The following DOK6 variants were observed in gnomAD, a reference collection of about 807,000 sequenced individuals.
The protein encoded by DOK6 is downstream of tyrosine kinase 6.
DOK6 carries 22 observed loss-of-function variants against 44.0 expected under a neutral mutation model. The ratio of observed to expected loss-of-function variants is 0.50; its 90% CI spans 0.36 to 0.71. DOK6 has a LOEUF of 0.71. Ranked by LOEUF, DOK6 falls within the 30% of genes least tolerant of loss-of-function variation. The pLI is 0.00. For synonymous variants in DOK6, 166 were observed against 145.5 expected, an observed-to-expected ratio of 1.14 and a Z score of -1.01; for missense variants, 340 against 416.4, an observed-to-expected ratio of 0.82 and a Z score of 1.60.
intron 3 of DOK6, among the ~76,000 whole-genome samples, chr18:69,638,673 C>A (rs534306402): frequency 1.3e-5 from 2 of 152,230 alleles, no homozygotes; most frequent in East Asian, 3.9e-4. Context: ...GTTTATGGTA[C>A]TGCTTCTTAT....
At chr18:69,683,007 G>A (rs1986076178) in intron 4 of DOK6, among the ~76,000 whole-genome samples, 4 of 152,116 alleles carry the variant, frequency 2.6e-5, no homozygotes, top group Admixed American at 6.6e-5. Flanking sequence ...GTAACAATAG[G>A]CCTCTCTCTG....
At chr18:69,791,084 T>C (rs1021824081) in intron 7 of DOK6, among the ~76,000 whole-genome samples, 1 of 152,164 alleles carries the variant, frequency 6.6e-6, no homozygotes, top group African/African-American at 2.4e-5. Context: ...TCAAATTCTA[T>C]CCATGTTGTT....
intron 5 of DOK6, among the ~76,000 whole-genome samples, chr18:69,709,534 A>T (rs1446909363): frequency 6.6e-6 from 1 of 152,146 alleles, no homozygotes; most frequent in African/African-American, 2.4e-5. Flanking sequence ...TTGTATTTAC[A>T]AGATTTTTTT....
intron 7 of DOK6, among the ~76,000 whole-genome samples, chr18:69,761,896 A>G (rs538413407): frequency 1.3e-5 from 2 of 152,304 alleles, no homozygotes; most frequent in South Asian, 4.1e-4. Context: ...ATGGGTCCAC[A>G]GCAACCTCAG....
intron 1 of DOK6, 150 bp downstream of exon 1, chr18:69,401,460 G>A (rs1353752511): frequency 1.0e-5 from 10 of 974,624 alleles, no homozygotes; most frequent in Non-Finnish European, 1.4e-5. Flanking sequence ...GCTTGGCCAG[G>A]TGGGGGCCCA....
At chr18:69,661,799 T>C (rs181204920) in intron 3 of DOK6, 9 of 152,330 alleles carry the variant, frequency 5.9e-5, no homozygotes, top group Admixed American at 4.6e-4. Context: ...AGTAGAAAGC[T>C]TACATAATAT....
intron 3 of DOK6, among the ~76,000 whole-genome samples, chr18:69,627,946 C>A (rs1419374801): frequency 6.6e-6 from 1 of 152,158 alleles, no homozygotes; most frequent in Non-Finnish European, 1.5e-5. Flanking sequence ...GATGTCACTT[C>A]ATAAAACTGC....
At chr18:69,431,512 A>T (rs1236253716) in intron 1 of DOK6, among the ~76,000 whole-genome samples, 2 of 152,174 alleles carry the variant, frequency 1.3e-5, no homozygotes, top group African/African-American at 4.8e-5. Flanking sequence ...ATAAAAGATG[A>T]TCCTTATGCT....
At chr18:69,735,824 C>A (rs1294743637) in intron 5 of DOK6, among the ~76,000 whole-genome samples, 1 of 152,154 alleles carries the variant, frequency 6.6e-6, no homozygotes, top group Middle Eastern at 3.2e-3. Flanking sequence ...AAATCAAATC[C>A]CAGAAGCCAG....
At chr18:69,718,244 T>A (rs564087008) in intron 5 of DOK6, among the ~76,000 whole-genome samples, 2 of 152,232 alleles carry the variant, frequency 1.3e-5, no homozygotes, top group South Asian at 4.1e-4. Context: ...GGAAGACCCA[T>A]TCAGGAACCT....
intron 1 of DOK6, among the ~76,000 whole-genome samples, chr18:69,463,568 T>C (rs1228443295): frequency 6.6e-6 from 1 of 152,168 alleles, no homozygotes; most frequent in African/African-American, 2.4e-5. Flanking sequence ...CATTTCTGAG[T>C]AAGATACTTG....
At position 69,609,121 on chromosome 18, in the gene DOK6, G is replaced by C. The variant is rs532535301; in HGVS notation, c.289+9623G>C. Among the ~76,000 whole-genome samples, 5 of 152,190 alleles carry C rather than the reference G, an allele frequency of 3.3e-5. No individual in the cohort carries two copies. In the South Asian group the frequency reaches 1.0e-3, roughly 32 times the overall value. ...AATGATTTCATGGCTACAACAGAAA[G>C]CTCAGATAACAAAAGCAAAACTTGG... On this transcript the variant is annotated intron_variant, in intron 3 of 7. Transcript: ENST00000382713.
intron 3 of DOK6, among the ~76,000 whole-genome samples, chr18:69,666,948 C>T (rs536787159): frequency 6.6e-6 from 1 of 152,280 alleles, no homozygotes; most frequent in African/African-American, 2.4e-5. Context: ...GCAGGCTCCA[C>T]CTCTGTCAGT....
intron 7 of DOK6, among the ~76,000 whole-genome samples, chr18:69,769,297 C>T (rs1979818243): frequency 6.6e-6 from 1 of 151,992 alleles, no homozygotes; most frequent in South Asian, 2.1e-4. Context: ...TTTTATTCAT[C>T]AGGAAAGTTC....
At chr18:69,598,976 C>A (rs997119132) in intron 2 of DOK6, among the ~76,000 whole-genome samples, 2 of 151,984 alleles carry the variant, frequency 1.3e-5, no homozygotes, top group African/African-American at 4.8e-5. Flanking sequence ...GCCTCAGGAC[C>A]ATAGGCCTAC....
At chr18:69,477,871 A>G (rs1980310582) in intron 1 of DOK6, among the ~76,000 whole-genome samples, 1 of 152,128 alleles carries the variant, frequency 6.6e-6, no homozygotes, top group Admixed American at 6.6e-5. Flanking sequence ...GTTTATTGAA[A>G]CCTAACTGTG....
intron 2 of DOK6, among the ~76,000 whole-genome samples, chr18:69,587,770 AACACACACACAC>A (rs138552349): frequency 6.7e-6 from 1 of 149,056 alleles, no homozygotes; most frequent in Non-Finnish European, 1.5e-5. Context: ...TGTAAATTTA[AACACACACACAC>A]ACACACACAC....
chr18:69,742,414 CAAA>C (rs755723043), intron 6 of DOK6, among the ~76,000 whole-genome samples: 1 of 120,462 alleles, frequency 8.3e-6, no homozygotes, highest in Non-Finnish European at 1.7e-5. Flanking sequence ...AACTCCATCT[CAAA>C]AAAAAAAAAA....
intron 7 of DOK6, among the ~76,000 whole-genome samples, chr18:69,802,414 G>GAAAT (rs1448527625): frequency 6.6e-6 from 1 of 152,112 alleles, no homozygotes; most frequent in Non-Finnish European, 1.5e-5. Context: ...ACTTGTTACA[G>GAAAT]AAATAAATCT....
Sources: allele counts gnomAD v4.1 joint callset (sites outside exome capture counted in the v4.1 genomes callset), GRCh38; gene constraint gnomAD v4.1.1; transcripts MANE v1.5; gene names NCBI Gene and HGNC (gene_info 2026-07-23, HGNC 2026-07-21).